IL1RAPL2: variants seen among roughly 807,000 people sequenced by gnomAD.
IL1RAPL2 encodes X-linked interleukin-1 receptor accessory protein-like 2.
In IL1RAPL2, 3 loss-of-function variants were observed where a neutral mutation model predicts 44.1. The ratio of observed to expected loss-of-function variants is 0.07; its 90% CI spans 0.03 to 0.18. IL1RAPL2 has a LOEUF of 0.18. IL1RAPL2 is among the 10% of genes least tolerant of loss of function. The pLI is 1.00. For synonymous variants in IL1RAPL2, 181 were observed against 178.8 expected (o/e 1.01, Z -0.10); for missense variants, 391 against 496.4 (o/e 0.79, Z 2.02).
intron 5 of IL1RAPL2, among the ~76,000 whole-genome samples, chrX:105,461,272 T>C (rs937707350): frequency 1.8e-5 from 2 of 111,139 alleles, no homozygotes; most frequent in Admixed American, 9.6e-5. Context: ...TTGCCCTTAG[T>C]GCCTTCTAGG....
chrX:105,584,445 A>G (rs1212534175), intron 6 of IL1RAPL2, among the ~76,000 whole-genome samples: 1 of 110,937 alleles, frequency 9.0e-6, no homozygotes, highest in Non-Finnish European at 1.9e-5. Flanking sequence ...TTTGTGTTTT[A>G]TGGTATGTCT....
chrX:105,140,748 G>A (rs765405985), intron 2 of IL1RAPL2, among the ~76,000 whole-genome samples: 1 of 112,494 alleles, frequency 8.9e-6, no homozygotes. Flanking sequence ...TGCTAATGCA[G>A]GGTTGTAATA....
intron 5 of IL1RAPL2, among the ~76,000 whole-genome samples, chrX:105,293,904 A>G (rs951530019): frequency 2.7e-5 from 3 of 112,462 alleles, no homozygotes; most frequent in Non-Finnish European, 5.6e-5. Flanking sequence ...TGTTTACAAC[A>G]TAGTAATTGA....
At position 104,902,523 on chromosome X, in the gene IL1RAPL2, G is replaced by A. The variant is rs1307629614; in HGVS notation, c.82+243528G>A. ...AGCCAGTAAACATGCTGTTAACTTT[G>A]AAAATTCTGTGTAGATTTAAAAAGA... On this transcript the variant is annotated intron_variant, in intron 2 of 10. Transcript: ENST00000372582. 2.7e-5 allele frequency among the ~76,000 whole-genome samples: 3 copies of A among 111,887 alleles called. No homozygotes were observed. The Admixed American group carries it at 2.9e-4, about 11-fold the overall frequency.
intron 5 of IL1RAPL2, among the ~76,000 whole-genome samples, chrX:105,338,435 T>G (rs1213622732): frequency 5.3e-5 from 6 of 112,162 alleles, no homozygotes. Context: ...TGGCTGAATC[T>G]AAAGGCAATA....
Position 104,762,536 on chromosome X carries a change from C to T in IL1RAPL2, c.82+103541C>T, listed in dbSNP as rs781127214. Among the ~76,000 whole-genome samples the T allele has an allele frequency of 1.4e-3, 162 of 112,079 alleles. 1 individual carries two copies. The highest frequency in any genetic ancestry group is 4.9e-3 in the African/African-American group (150 of 30,902). On this transcript the variant is annotated intron_variant, in intron 2 of 10. Transcript: ENST00000372582. ...TTCTGGTGCCTGGAGGACAGTGGCC[C>T]TCTTCTCACAGCTCCACTAGGCAGT... is the stretch of plus-strand genomic sequence containing the variant.
At chrX:104,632,274 TC>T (rs1929669029) in intron 1 of IL1RAPL2, among the ~76,000 whole-genome samples, 2 of 111,411 alleles carry the variant, frequency 1.8e-5, no homozygotes, top group African/African-American at 6.5e-5. Context: ...GTCAGGTAGC[TC>T]GATGCCTCCA....
chrX:104,904,894 GT>G (rs1242641573), intron 2 of IL1RAPL2, among the ~76,000 whole-genome samples: 3 of 110,865 alleles, frequency 2.7e-5, no homozygotes. Context: ...TTCCACAATG[GT>G]TGAACTAGTT....
intron 2 of IL1RAPL2, among the ~76,000 whole-genome samples, chrX:104,793,171 A>G (rs1932834235): frequency 1.8e-5 from 2 of 112,306 alleles, no homozygotes; most frequent in South Asian, 7.4e-4. Flanking sequence ...CTCAGGCAGT[A>G]GACTGCCATT....
chrX:105,343,911 G>A (rs2035090688), intron 5 of IL1RAPL2, among the ~76,000 whole-genome samples: 1 of 104,564 alleles, frequency 9.6e-6, no homozygotes, highest in Non-Finnish European at 1.9e-5. Context: ...TTTTTCATGA[G>A]ATGGAGTCTC....
chrX:104,663,102 G>A (rs773801805), intron 2 of IL1RAPL2, among the ~76,000 whole-genome samples: 1 of 112,047 alleles, frequency 8.9e-6, no homozygotes, highest in South Asian at 3.7e-4. Context: ...TCAGTTCCAC[G>A]TAATGAGAGA....
chrX:104,981,600 C>T (rs1177394527), intron 2 of IL1RAPL2, among the ~76,000 whole-genome samples: 1 of 110,475 alleles, frequency 9.1e-6, no homozygotes, highest in African/African-American at 3.3e-5. Flanking sequence ...CTGGTTAGGA[C>T]TTCTAGTAAT....
At chrX:104,801,311 G>T (rs1173640179) in intron 2 of IL1RAPL2, among the ~76,000 whole-genome samples, 2 of 111,683 alleles carry the variant, frequency 1.8e-5, no homozygotes, top group Non-Finnish European at 3.8e-5. Context: ...GCTGAATAAG[G>T]TGCTGAGTAA....
intron 7 of IL1RAPL2, among the ~76,000 whole-genome samples, chrX:105,737,980 T>C (rs1569470452): frequency 8.9e-6 from 1 of 111,748 alleles, no homozygotes; most frequent in African/African-American, 3.2e-5. Context: ...AAAATTCTTA[T>C]ACTTGTCTGG....
In IL1RAPL2 at chrX:104,984,037, A is replaced by T. The variant is rs2030515656; in HGVS notation, c.83-211438A>T. Among the ~76,000 whole-genome samples the T allele has an allele frequency of 3.6e-5, 4 of 111,143 alleles. No homozygotes were observed. In the South Asian group the frequency reaches 1.5e-3, roughly 41 times the overall value. ...GATGGAAGATAAGGATATAATAACCAGGTGTTGCTGTTATTACCTTTAGTA... is the reference window on the plus strand; with the variant it reads ...GATGGAAGATAAGGATATAATAACCTGGTGTTGCTGTTATTACCTTTAGTA... On this transcript the variant is annotated intron_variant, in intron 2 of 10. Coordinates refer to ENST00000372582, the MANE Select transcript of IL1RAPL2 (RefSeq NM_017416.2).
chrX:104,901,798 A>G (rs1177884543), intron 2 of IL1RAPL2, among the ~76,000 whole-genome samples: 1 of 111,900 alleles, frequency 8.9e-6, no homozygotes, highest in Non-Finnish European at 1.9e-5. Context: ...CTGTAAAATG[A>G]GAGTGACAGT....
chrX:105,732,005 T>TAATCA (rs1354029464), intron 7 of IL1RAPL2, among the ~76,000 whole-genome samples: 123 of 111,642 alleles, frequency 1.1e-3, no homozygotes, highest in African/African-American at 3.8e-3. Context: ...ATATCCTAAA[T>TAATCA]ACCCTCAGTT....
At chrX:105,390,069 C>T (rs1345025366) in intron 5 of IL1RAPL2, among the ~76,000 whole-genome samples, 8 of 111,840 alleles carry the variant, frequency 7.2e-5, no homozygotes, top group Non-Finnish European at 1.9e-5. Context: ...ATCTTCAAAT[C>T]AGTCAAAACA....
In IL1RAPL2 at chrX:104,949,275, C is replaced by T. The variant is rs1394633592; in HGVS notation, c.83-246200C>T. On this transcript the variant is annotated intron_variant, in intron 2 of 10. Transcript: ENST00000372582. ...GGATCGGTGGTGATATCCCCTTTAT[C>T]ATTTTTTATTGCATGTCTTTGATTC... 1.8e-5 allele frequency among the ~76,000 whole-genome samples: 2 copies of T among 110,402 alleles called. 1 individual carries two copies. Among genetic ancestry groups the T allele is most frequent in the Admixed American group, 1.9e-4 (2 of 10,376 alleles).
Sources: allele counts gnomAD v4.1 joint callset (sites outside exome capture counted in the v4.1 genomes callset), GRCh38; gene constraint gnomAD v4.1.1; transcripts MANE v1.5; gene names NCBI Gene and HGNC (gene_info 2026-07-23, HGNC 2026-07-21).